The following ZHX3 variants were observed in gnomAD, a reference collection of about 807,000 sequenced individuals.
The protein encoded by ZHX3 is zinc fingers and homeoboxes 3.
Under a neutral mutation model 64.5 loss-of-function variants are expected in ZHX3, and 20 were observed. The observed-to-expected ratio is 0.31, with a 90% CI of 0.22 to 0.45. ZHX3 has a LOEUF of 0.45. Ranked by LOEUF, ZHX3 falls within the 20% of genes least tolerant of loss-of-function variation. The pLI, the probability that ZHX3 is intolerant of heterozygous loss-of-function variation, is 1.00. For synonymous variants in ZHX3, 423 were observed against 461.6 expected, an observed-to-expected ratio of 0.92 and a Z score of 1.07; for missense variants, 1,041 against 1,195.8, an observed-to-expected ratio of 0.87 and a Z score of 1.91.
chr20:41,265,016 C>A (rs1036351424), intron 2 of ZHX3, among the ~76,000 whole-genome samples: 1 of 151,934 alleles, frequency 6.6e-6, no homozygotes, highest in Admixed American at 6.6e-5. Context: ...TAAAAATAAG[C>A]GCAAAATAAG....
intron 3 of ZHX3, among the ~76,000 whole-genome samples, chr20:41,199,632 T>C (rs1172135895): frequency 2.0e-5 from 3 of 152,020 alleles, no homozygotes; most frequent in Admixed American, 6.6e-5. Flanking sequence ...CCCAAGGGCA[T>C]TGAGACAATG....
At chr20:41,194,062 G>A (rs189068189) in intron 3 of ZHX3, among the ~76,000 whole-genome samples, 392 of 152,094 alleles carry the variant, frequency 2.6e-3, no homozygotes, top group African/African-American at 8.5e-3. Context: ...TCTTCCTTTC[G>A]AACTTGGATC....
At chr20:41,236,872 C>T (rs1309091694) in intron 2 of ZHX3, among the ~76,000 whole-genome samples, 1 of 152,078 alleles carries the variant, frequency 6.6e-6, no homozygotes, top group Non-Finnish European at 1.5e-5. Context: ...ACCCATCTGA[C>T]AAAGGGCTAA....
chr20:41,313,112 G>C (rs1242306241), intron 1 of ZHX3, among the ~76,000 whole-genome samples: 1 of 152,212 alleles, frequency 6.6e-6, no homozygotes, highest in African/African-American at 2.4e-5. Context: ...AAGAATCACA[G>C]ACAACTTTCA....
chr20:41,234,324 C>A (rs762379357), intron 2 of ZHX3, among the ~76,000 whole-genome samples: 1 of 152,194 alleles, frequency 6.6e-6, no homozygotes, highest in Admixed American at 6.5e-5. Context: ...GTAATTAGTT[C>A]ATATGTGTGA....
intron 2 of ZHX3, among the ~76,000 whole-genome samples, chr20:41,265,006 T>C (rs1314969502): frequency 6.6e-6 from 1 of 152,140 alleles, no homozygotes; most frequent in Non-Finnish European, 1.5e-5. Flanking sequence ...ATGCAGTCAT[T>C]AAAAATAAGC....
rs2036395767 is a variant in ZHX3, at chr20:41,184,981, G to A, written c.*210C>T. 2 of 1,549,836 alleles carry A rather than the reference G, an allele frequency of 1.3e-6. No homozygotes were observed. The highest frequency in any genetic ancestry group is 1.7e-6 in the Non-Finnish European group (2 of 1,146,990). ...ACATTGTGGGAGGAAGAACTGATGA[G>A]AACCCCATCTTGCTTGCTGCTTGCT... On this transcript the variant is annotated 3_prime_UTR_variant, in exon 4 of 4. Coordinates refer to ENST00000683867, the MANE Select transcript of ZHX3 (RefSeq NM_001384317.1).
chr20:41,294,383 A>G (rs1401531241), intron 1 of ZHX3, among the ~76,000 whole-genome samples: 3 of 152,118 alleles, frequency 2.0e-5, no homozygotes, highest in Non-Finnish European at 2.9e-5. Context: ...CTGTTTTGAG[A>G]TGGAGTCCCA....
chr20:41,316,560 C>T (rs1201491694), intron 1 of ZHX3, among the ~76,000 whole-genome samples: 3 of 152,138 alleles, frequency 2.0e-5, no homozygotes, highest in African/African-American at 7.2e-5. Context: ...GTGGACGCCT[C>T]ATGAATAAAC....
Position 41,194,562 on chromosome 20 carries a change from G to A in ZHX3, c.2860+7495C>T, listed in dbSNP as rs543038486. On this transcript the variant is annotated intron_variant, in intron 3 of 3. Coordinates refer to ENST00000683867, the MANE Select transcript of ZHX3 (RefSeq NM_001384317.1). ...TGTAGTGCCCTTGTCTTGCTCTGGT[G>A]TCAGGGTAATGGTGACCTCATGAGT... Among the ~76,000 whole-genome samples the A allele has an allele frequency of 3.3e-5, 5 of 152,242 alleles. No individual in the cohort carries two copies. The East Asian group carries it at 9.7e-4, about 29-fold the overall frequency.
intron 1 of ZHX3, among the ~76,000 whole-genome samples, chr20:41,314,111 C>T (rs1161503929): frequency 6.6e-6 from 1 of 152,090 alleles, no homozygotes; most frequent in African/African-American, 2.4e-5. Context: ...GAAATTCAAA[C>T]CTTTGAAAAG....
intron 3 of ZHX3, among the ~76,000 whole-genome samples, chr20:41,198,420 G>C (rs774065839): frequency 1.2e-4 from 18 of 151,718 alleles, no homozygotes; most frequent in Non-Finnish European, 2.5e-4. Flanking sequence ...ATTTGGAAAT[G>C]TCTGGATTTC....
intron 1 of ZHX3, among the ~76,000 whole-genome samples, chr20:41,306,047 A>G (rs1051478481): frequency 1.2e-4 from 19 of 152,308 alleles, no homozygotes; most frequent in African/African-American, 4.6e-4. Flanking sequence ...TTTCTGAAAT[A>G]AAGCCAATAT....
rs138984369 is a variant in ZHX3, at chr20:41,204,518, G to A, written c.399C>T (p.Ser133=). 3.8e-5 allele frequency: 62 copies of A among 1,614,134 alleles called. No homozygotes were observed. The highest frequency in any genetic ancestry group is 8.9e-5 in the East Asian group (4 of 44,882). ...GLSLHNATCH[S]GEASFVWNVA... is the part of the protein sequence containing the mutation. ...CGTTCCACACAAAGCTGGCTTCCCC[G>A]GAGTGACATGTGGCATTGTGCAAGG... The change falls in exon 3 of 4, where the codon TCC becomes TCT. Residue 133 remains serine (S), a synonymous_variant. Coordinates refer to ENST00000683867, the MANE Select transcript of ZHX3 (RefSeq NM_001384317.1). This position sits in a 1 kb window ranked among gnomAD's most constrained non-coding sequence, Gnocchi z 6.6.
intron 2 of ZHX3, among the ~76,000 whole-genome samples, chr20:41,266,632 G>GC (rs1283490340): frequency 6.7e-6 from 1 of 148,816 alleles, no homozygotes; most frequent in Non-Finnish European, 1.5e-5. Flanking sequence ...TGCAAGCTCC[G>GC]CCCCCCAGGT....
chr20:41,294,570 C>A (rs1464541258), intron 1 of ZHX3, among the ~76,000 whole-genome samples: 1 of 152,110 alleles, frequency 6.6e-6, no homozygotes, highest in Admixed American at 6.5e-5. Context: ...AACATGTTGG[C>A]CAGGCTAGTC....
chr20:41,307,929 T>C (rs1249351226), intron 1 of ZHX3, among the ~76,000 whole-genome samples: 1 of 152,190 alleles, frequency 6.6e-6, no homozygotes. Context: ...AAAAGTTCCT[T>C]GAGGACATGG....
intron 2 of ZHX3, among the ~76,000 whole-genome samples, chr20:41,209,823 A>G (rs1217891087): frequency 6.6e-6 from 1 of 152,216 alleles, no homozygotes; most frequent in Admixed American, 6.5e-5. Flanking sequence ...AGCAATGGCA[A>G]CAAAAGACAA....
At chr20:41,273,523 T>C (rs2043245193) in intron 1 of ZHX3, among the ~76,000 whole-genome samples, 1 of 152,202 alleles carries the variant, frequency 6.6e-6, no homozygotes, top group Admixed American at 6.5e-5. Flanking sequence ...TTGGTCCATT[T>C]TGAGTTAATT....
Sources: allele counts gnomAD v4.1 joint callset (sites outside exome capture counted in the v4.1 genomes callset), GRCh38; gene constraint gnomAD v4.1.1; non-coding constraint Gnocchi (gnomAD v3.1); transcripts MANE v1.5; gene names NCBI Gene and HGNC (gene_info 2026-07-23, HGNC 2026-07-21).